TNKS: variants seen among roughly 807,000 people sequenced by gnomAD.
TNKS encodes the protein tankyrase.
TNKS carries 72 observed loss-of-function variants against 135.8 expected under a neutral mutation model. The observed-to-expected ratio is 0.53, with a 90% CI of 0.44 to 0.64. The LOEUF is 0.64. Among genes scored for constraint, TNKS ranks in the 30% least tolerant of loss-of-function variants. The probability of loss-of-function intolerance (pLI) is 0.00; values close to 1 mark genes in which losing one functional copy is unlikely to be tolerated. For missense variants in TNKS, 1,769 were observed against 1,674.0 expected (o/e 1.06, Z -0.99); for synonymous variants, 849 against 649.3 (o/e 1.31, Z -4.68).
intron 2 of TNKS, among the ~76,000 whole-genome samples, chr8:9,591,656 T>G (rs1030979489): frequency 6.6e-6 from 1 of 152,206 alleles, no homozygotes; most frequent in Non-Finnish European, 1.5e-5. Flanking sequence ...GCTGTAACAA[T>G]GGGTCTTAGT....
chr8:9,618,157 T>C (rs1259557558), intron 3 of TNKS, among the ~76,000 whole-genome samples: 1 of 152,176 alleles, frequency 6.6e-6, no homozygotes, highest in African/African-American at 2.4e-5. Context: ...TGGCTAATTT[T>C]TGTATTTTTA....
intron 2 of TNKS, among the ~76,000 whole-genome samples, chr8:9,598,915 T>TTTAG (rs1798912854): frequency 6.6e-6 from 1 of 150,396 alleles, no homozygotes; most frequent in African/African-American, 2.4e-5. Flanking sequence ...GAGTTAGCAG[T>TTTAG]TTAGGGAAAG....
At chr8:9,599,793 A>T (rs1429721412) in intron 2 of TNKS, among the ~76,000 whole-genome samples, 3 of 108,122 alleles carry the variant, frequency 2.8e-5, no homozygotes, top group East Asian at 3.8e-4. Context: ...TGCCTTTTTA[A>T]AAAAAAAAAG....
At chr8:9,586,635 C>A (rs868012154) in intron 2 of TNKS, among the ~76,000 whole-genome samples, 1 of 151,268 alleles carries the variant, frequency 6.6e-6, no homozygotes, top group Non-Finnish European at 1.5e-5. Flanking sequence ...CAGATAAGAT[C>A]TTGGTTCAGA....
chr8:9,745,053 A>G (rs560555255), intron 17 of TNKS, among the ~76,000 whole-genome samples: 14 of 152,348 alleles, frequency 9.2e-5, no homozygotes, highest in African/African-American at 2.9e-4. Context: ...GAGTTCAATA[A>G]AATTAATCAT....
intron 2 of TNKS, among the ~76,000 whole-genome samples, chr8:9,580,892 C>G (rs1230601710): frequency 6.6e-6 from 1 of 152,150 alleles, no homozygotes; most frequent in South Asian, 2.1e-4. Context: ...ACAAATTGGA[C>G]TTTTCAATCA....
At chr8:9,635,328 T>G (rs1800470010) in intron 3 of TNKS, among the ~76,000 whole-genome samples, 3 of 152,218 alleles carry the variant, frequency 2.0e-5, no homozygotes, top group African/African-American at 7.2e-5. Flanking sequence ...TATAGCCCAT[T>G]GTATGAAATA....
chr8:9,572,513 C>T (rs990942782), intron 1 of TNKS, among the ~76,000 whole-genome samples: 3 of 152,154 alleles, frequency 2.0e-5, no homozygotes, highest in Non-Finnish European at 1.5e-5. Flanking sequence ...CTCTTATTCT[C>T]TTCTGTTTCA....
chr8:9,601,313 C>T (rs1202318856), intron 2 of TNKS, among the ~76,000 whole-genome samples: 4 of 152,066 alleles, frequency 2.6e-5, no homozygotes, highest in African/African-American at 7.2e-5. Context: ...AAATTTAACA[C>T]GTGTTAAAAC....
At chr8:9,685,144 AAAAGT>A (rs569540022) in intron 5 of TNKS, among the ~76,000 whole-genome samples, 166 of 152,284 alleles carry the variant, frequency 1.1e-3, no homozygotes, top group African/African-American at 3.9e-3. Context: ...GGAAACAGAG[AAAAGT>A]AAAGTGTTTG....
At chr8:9,630,079 C>G (rs1800228648) in intron 3 of TNKS, among the ~76,000 whole-genome samples, 1 of 152,174 alleles carries the variant, frequency 6.6e-6, no homozygotes, top group Admixed American at 6.5e-5. Context: ...AGTCCAGCCA[C>G]CAGTCACCCT....
chr8:9,713,892 G>A (rs1186642190), intron 11 of TNKS, among the ~76,000 whole-genome samples: 1 of 152,086 alleles, frequency 6.6e-6, no homozygotes, highest in African/African-American at 2.4e-5. Context: ...GTTTCTGTAT[G>A]ATTTTCAGGC....
At chr8:9,705,604 G>C (rs1054350839) in intron 6 of TNKS, among the ~76,000 whole-genome samples, 1 of 152,140 alleles carries the variant, frequency 6.6e-6, no homozygotes, top group Non-Finnish European at 1.5e-5. Context: ...CCTGCACCAG[G>C]TTTTGTGCCA....
chr8:9,693,519 G>T (rs1005583289), intron 5 of TNKS, among the ~76,000 whole-genome samples: 15 of 152,270 alleles, frequency 9.9e-5, no homozygotes, highest in Non-Finnish European at 1.9e-4. Context: ...AATTTTTAGA[G>T]GGAATGTGGT....
At chr8:9,678,023 C>G (rs1261741648) in intron 3 of TNKS, among the ~76,000 whole-genome samples, 1 of 152,160 alleles carries the variant, frequency 6.6e-6, no homozygotes, top group Non-Finnish European at 1.5e-5. Context: ...TTTACACTGG[C>G]TGGTAAGCTC....
In TNKS at chr8:9,672,343, C is replaced by T. The variant is rs1023273080; in HGVS notation, c.995-7608C>T. Among the ~76,000 whole-genome samples the T allele has an allele frequency of 2.0e-5, 3 of 152,034 alleles. 1 individual carries two copies. The South Asian group carries it at 6.2e-4, about 32-fold the overall frequency. ...ATAATGGGGGCTACTGTACATCTAC[C>T]ATATATTACAAAACACCCCCCGTGG... On this transcript the variant is annotated intron_variant, in intron 3 of 26. Coordinates refer to ENST00000310430, the MANE Select transcript of TNKS (RefSeq NM_003747.3).
At chr8:9,731,355 G>C (rs1805427479) in intron 14 of TNKS, among the ~76,000 whole-genome samples, 1 of 151,502 alleles carries the variant, frequency 6.6e-6, no homozygotes, top group Admixed American at 6.6e-5. Flanking sequence ...AGCTACTTGG[G>C]AGGCTGAGGC....
chr8:9,691,578 C>G (rs969454716), intron 5 of TNKS, among the ~76,000 whole-genome samples: 1 of 152,190 alleles, frequency 6.6e-6, no homozygotes, highest in African/African-American at 2.4e-5. Flanking sequence ...GGATTTGACT[C>G]CTGACTCTGC....
chr8:9,759,053 A>G (rs1031540891), intron 20 of TNKS, among the ~76,000 whole-genome samples: 5 of 152,120 alleles, frequency 3.3e-5, no homozygotes, highest in African/African-American at 9.7e-5. Flanking sequence ...CCTGTATAAC[A>G]TGGTTTCTTG....
Sources: allele counts gnomAD v4.1 joint callset (sites outside exome capture counted in the v4.1 genomes callset), GRCh38; gene constraint gnomAD v4.1.1; transcripts MANE v1.5; gene names NCBI Gene and HGNC (gene_info 2026-07-23, HGNC 2026-07-21).